PTGIS: variants seen among roughly 807,000 people sequenced by gnomAD.
The protein encoded by PTGIS is prostacyclin synthase.
A neutral mutation model predicts 50.3 loss-of-function variants in PTGIS; 45 were observed. The ratio of observed to expected loss-of-function variants is 0.90; its 90% CI spans 0.70 to 1.15. The LOEUF is 1.15. PTGIS is among the 50% of genes most tolerant of loss of function. The pLI is 0.00. For synonymous variants in PTGIS, 260 were observed against 267.7 expected (o/e 0.97, Z 0.28); for missense variants, 668 against 661.3 (o/e 1.01, Z -0.11).
In PTGIS at chr20:49,509,005, T is replaced by C. The variant is rs1319917287; in HGVS notation, c.1359-941A>G. On this transcript the variant is annotated intron_variant, in intron 9 of 9. Transcript: ENST00000244043. ...GCAGCACTGAGCACATGGTGGGGAT[T>C]CTTTTGTCTCACTGAAGGAGTGAAG... is the stretch of plus-strand genomic sequence containing the variant. Among the ~76,000 whole-genome samples, 3 of 152,234 alleles carry C rather than the reference T, an allele frequency of 2.0e-5. No homozygotes were observed. The East Asian group carries it at 5.8e-4, about 29-fold the overall frequency.
At chr20:49,552,845 C>CT (rs1982545740) in intron 1 of PTGIS, among the ~76,000 whole-genome samples, 1 of 151,954 alleles carries the variant, frequency 6.6e-6, no homozygotes, top group Admixed American at 6.6e-5. Flanking sequence ...AAGCCAGGAG[C>CT]TTTATAACAG....
chr20:49,530,010 T>G (rs1197082651), intron 5 of PTGIS, among the ~76,000 whole-genome samples: 1 of 151,812 alleles, frequency 6.6e-6, no homozygotes, highest in Non-Finnish European at 1.5e-5. Context: ...CAAAATTAGC[T>G]GGGTGTGGTG....
chr20:49,559,943 G>A (rs1439483826), intron 1 of PTGIS, among the ~76,000 whole-genome samples: 1 of 115,808 alleles, frequency 8.6e-6, no homozygotes. Flanking sequence ...TTTTTTTTTT[G>A]AGACGGAATC....
chr20:49,509,621 C>T (rs1010622129), intron 9 of PTGIS, among the ~76,000 whole-genome samples: 1 of 152,162 alleles, frequency 6.6e-6, no homozygotes, highest in Non-Finnish European at 1.5e-5. Context: ...AGACGAAAGA[C>T]TGCACCCAGC....
intron 2 of PTGIS, among the ~76,000 whole-genome samples, chr20:49,548,454 GGATA>G (rs1294107851): frequency 2.6e-5 from 4 of 152,158 alleles, no homozygotes; most frequent in African/African-American, 9.7e-5. Flanking sequence ...ATGGATGAAT[GGATA>G]GATGGATGGA....
In PTGIS at chr20:49,507,876, C is replaced by A; in HGVS notation, c.*44G>T. On this transcript the variant is annotated 3_prime_UTR_variant, in exon 10 of 10. Coordinates refer to ENST00000244043, the MANE Select transcript of PTGIS (RefSeq NM_000961.4). ...GCTGGGAGGCTGGGGCAGGCTGGGGCAGGCTGGGCAGAGGCGAGCACGTGG... is the reference window on the plus strand; with the variant it reads ...GCTGGGAGGCTGGGGCAGGCTGGGGAAGGCTGGGCAGAGGCGAGCACGTGG... 6.2e-7 allele frequency: 1 copy of A among 1,604,536 alleles called. No homozygotes were observed. The highest frequency in any genetic ancestry group is 8.5e-7 in the Non-Finnish European group (1 of 1,179,818).
intron 5 of PTGIS, among the ~76,000 whole-genome samples, chr20:49,538,101 A>G (rs1170456003): frequency 6.7e-6 from 1 of 150,078 alleles, no homozygotes; most frequent in Non-Finnish European, 1.5e-5. Flanking sequence ...AAAAAAATTT[A>G]AAAATTAGCC....
intron 6 of PTGIS, among the ~76,000 whole-genome samples, chr20:49,518,870 T>A (rs147770542): frequency 1.3e-5 from 2 of 152,182 alleles, no homozygotes; most frequent in Non-Finnish European, 2.9e-5. Context: ...AGCGGAGCTA[T>A]GTGCAGGCCC....
At chr20:49,530,910 C>T (rs972346009) in intron 5 of PTGIS, among the ~76,000 whole-genome samples, 1 of 152,126 alleles carries the variant, frequency 6.6e-6, no homozygotes, top group African/African-American at 2.4e-5. Context: ...CAGGCGTGCA[C>T]CACCACGCCC....
At chr20:49,521,559 A>T (rs1981650887) in intron 6 of PTGIS, among the ~76,000 whole-genome samples, 1 of 152,124 alleles carries the variant, frequency 6.6e-6, no homozygotes, top group Non-Finnish European at 1.5e-5. Context: ...AGTTCTGGAG[A>T]CACTTTGGAG....
chr20:49,522,867 AC>A (rs1193205942), intron 6 of PTGIS, among the ~76,000 whole-genome samples: 1 of 152,006 alleles, frequency 6.6e-6, no homozygotes, highest in Non-Finnish European at 1.5e-5. Flanking sequence ...TACTAAAAAT[AC>A]AAAAAATTAG....
chr20:49,545,468 G>A (rs1012616267), intron 3 of PTGIS, among the ~76,000 whole-genome samples: 4 of 152,004 alleles, frequency 2.6e-5, no homozygotes, highest in African/African-American at 9.7e-5. Flanking sequence ...ACATGAGAGT[G>A]ACACAAGGAA....
intron 3 of PTGIS, among the ~76,000 whole-genome samples, chr20:49,545,254 A>C (rs974760967): frequency 2.6e-5 from 4 of 152,120 alleles, no homozygotes; most frequent in Admixed American, 2.6e-4. Context: ...AAAATAGAAT[A>C]AATACACAAA....
At chr20:49,509,511 A>C (rs1981251685) in intron 9 of PTGIS, among the ~76,000 whole-genome samples, 1 of 152,184 alleles carries the variant, frequency 6.6e-6, no homozygotes, top group African/African-American at 2.4e-5. Flanking sequence ...GAACAGGTGA[A>C]TTTGTTCCAA....
At chr20:49,541,574 A>G (rs932648948) in intron 4 of PTGIS, among the ~76,000 whole-genome samples, 1 of 152,108 alleles carries the variant, frequency 6.6e-6, no homozygotes, top group Non-Finnish European at 1.5e-5. Context: ...TCTACTAAAA[A>G]TACAAAAATT....
At chr20:49,533,545 A>AG (rs1319917800) in intron 5 of PTGIS, among the ~76,000 whole-genome samples, 4 of 151,884 alleles carry the variant, frequency 2.6e-5, no homozygotes, top group Admixed American at 1.3e-4. Context: ...GTATGCATAC[A>AG]GAAAAAAAAG....
intron 3 of PTGIS, among the ~76,000 whole-genome samples, chr20:49,545,742 T>A (rs1056425241): frequency 9.2e-5 from 14 of 152,164 alleles, no homozygotes; most frequent in Admixed American, 8.5e-4. Flanking sequence ...GGGGTGTCCA[T>A]GGGCGGTGCA....
intron 1 of PTGIS, among the ~76,000 whole-genome samples, chr20:49,557,945 TG>T (rs1371596300): frequency 6.6e-6 from 1 of 152,152 alleles, no homozygotes; most frequent in Non-Finnish European, 1.5e-5. Flanking sequence ...AAGTCGTCTT[TG>T]GAGAAAGGCA....
At chr20:49,559,030 T>G (rs1982694405) in intron 1 of PTGIS, among the ~76,000 whole-genome samples, 1 of 152,040 alleles carries the variant, frequency 6.6e-6, no homozygotes, top group South Asian at 2.1e-4. Context: ...TAGGCATTCT[T>G]AAGCGCAGGA....
Sources: allele counts gnomAD v4.1 joint callset (sites outside exome capture counted in the v4.1 genomes callset), GRCh38; gene constraint gnomAD v4.1.1; transcripts MANE v1.5; gene names NCBI Gene and HGNC (gene_info 2026-07-23, HGNC 2026-07-21).